DNAH10: variants seen among roughly 807,000 people sequenced by gnomAD.
DNAH10 encodes dynein axonemal heavy chain 10.
A neutral mutation model predicts 506.6 loss-of-function variants in DNAH10; 348 were observed. The ratio of observed to expected loss-of-function variants is 0.69; its 90% CI spans 0.63 to 0.75. The LOEUF (loss-of-function observed/expected upper bound fraction) is 0.75, where lower values mean the gene tolerates loss of function less well. Among genes scored for constraint, DNAH10 ranks in the 30% least tolerant of loss-of-function variants. DNAH10 has a pLI of 0.00. For synonymous variants in DNAH10, 2,059 were observed against 2,198.6 expected (o/e 0.94, Z 1.78); for missense variants, 5,179 against 5,787.1 (o/e 0.89, Z 3.41).
At chr12:123,823,662 T>C (rs866977010) in intron 24 of DNAH10, among the ~76,000 whole-genome samples, 1 of 152,240 alleles carries the variant, frequency 6.6e-6, no homozygotes, top group Non-Finnish European at 1.5e-5. Context: ...ATGGGATACA[T>C]AGATGTTTTG....
Position 123,916,043 on chromosome 12 carries a change from C to T in DNAH10, c.10723-414C>T, listed in dbSNP as rs1421853488. On this transcript the variant is annotated intron_variant, in intron 62 of 78. Coordinates refer to ENST00000673944, the MANE Select transcript of DNAH10 (RefSeq NM_001372106.1). The surrounding 1 kb of genome is among the most constrained non-coding windows in gnomAD (Gnocchi z 4.6). ...CATTTGTACTCCAAGGTCAGGGGAA[C>T]AGTCTGCCTCCAAAATGCACATGGA... Among the ~76,000 whole-genome samples, 1 of 152,208 alleles carries T rather than the reference C, an allele frequency of 6.6e-6. No homozygotes were observed. Among genetic ancestry groups the T allele is most frequent in the Non-Finnish European group, 1.5e-5 (1 of 68,038 alleles).
At chr12:123,786,624 A>G (rs1407354096) in intron 9 of DNAH10, among the ~76,000 whole-genome samples, 2 of 15,368 alleles carry the variant, frequency 1.3e-4, no homozygotes, top group Non-Finnish European at 2.7e-4. Context: ...TTTTATGGCT[A>G]AATCATATTC....
Position 123,916,313 on chromosome 12 carries a change from C to A in DNAH10, c.10723-144C>A, listed in dbSNP as rs1041524185. 1.5e-5 allele frequency: 15 copies of A among 1,010,122 alleles called. No individual in the cohort carries two copies. Among genetic ancestry groups the A allele is most frequent in the Non-Finnish European group, 2.2e-5 (15 of 689,188 alleles). 62.6% of individuals were successfully genotyped at this position (1,010,122 alleles called of 1,614,324 possible). A position where few individuals can be genotyped will look rare whatever the true frequency, so the allele number is the denominator to read the frequency against. On this transcript the variant is annotated intron_variant, in intron 62 of 78. Transcript: ENST00000673944. The surrounding 1 kb of genome is among the most constrained non-coding windows in gnomAD (Gnocchi z 4.6). The stretch of plus-strand genomic sequence containing the variant: ...ACCTCATGGTGTATATGCGTTATAC[C>A]CCTTGCTTCTCTCTTCTTTTCACCT...
chr12:123,870,327 GT>G (rs1290745111), intron 43 of DNAH10, 38 bp from the exon 44 acceptor site: 1 of 1,598,872 alleles, frequency 6.3e-7, no homozygotes, highest in African/African-American at 1.3e-5. Flanking sequence ...GTATTTCCGT[GT>G]TTATGATTCA....
rs1956856807 is a variant in DNAH10 at position 123,762,350 on chromosome 12, G to A, written c.14G>A (p.Arg5Gln). 1 of 1,348,632 alleles carries A rather than the reference G, an allele frequency of 7.4e-7. No homozygotes were observed. 83.5% of individuals were successfully genotyped at this position (1,348,632 alleles called of 1,614,324 possible). A position where few individuals can be genotyped will look rare whatever the true frequency, so the allele number is the denominator to read the frequency against. MDDL[R>Q]VLWMRDRVYA... Reference sequence around the variant, plus strand: ...CTGCGCGGCGCCATGGACGACCTGCGGGTGCTGTGGATGCGCGACCGCGTG... The same window carrying A: ...CTGCGCGGCGCCATGGACGACCTGCAGGTGCTGTGGATGCGCGACCGCGTG... Residue 5 changes from arginine to glutamine, a missense_variant, in exon 1 of 79, where the codon CGG becomes CAG. Transcript: ENST00000673944. The surrounding 1 kb of genome is among the most constrained non-coding windows in gnomAD (Gnocchi z 5.0).
intron 24 of DNAH10, 80 bp from the exon 25 acceptor site, chr12:123,826,607 C>G: frequency 7.7e-7 from 1 of 1,300,076 alleles, no homozygotes; most frequent in Non-Finnish European, 1.1e-6. Context: ...CTGAACGTGA[C>G]TAAGAGTCAA....
intron 3 of DNAH10, 53 bp from the exon 4 acceptor site, chr12:123,772,781 T>C (rs1330228781): frequency 1.3e-5 from 18 of 1,341,092 alleles, no homozygotes; most frequent in Non-Finnish European, 1.6e-5. Context: ...TTAGGTTCTT[T>C]AGGTGAATGG....
Position 123,914,888 on chromosome 12 carries a change from C to T in DNAH10, c.10611C>T (p.Ser3537=), listed in dbSNP as rs375713954. The T allele has an allele frequency of 6.0e-5, 97 of 1,613,624 alleles. No homozygotes were observed. The highest frequency in any genetic ancestry group is 5.9e-4 in the African/African-American group (44 of 75,040). ...AGGGCCTTCCCCCCGATGAGCTCTCCGTTCAGAATGGCATCCTCACCACCC... is the reference window on the plus strand; with the variant it reads ...AGGGCCTTCCCCCCGATGAGCTCTCTGTTCAGAATGGCATCCTCACCACCC... ...GSQGLPPDEL[S]VQNGILTTRA... The change falls in exon 62 of 79, where the codon TCC becomes TCT. Residue 3537 remains serine (S), a synonymous_variant. Coordinates refer to ENST00000673944, the MANE Select transcript of DNAH10 (RefSeq NM_001372106.1).
chr12:123,809,979 C>G (rs1958868134), intron 19 of DNAH10, among the ~76,000 whole-genome samples: 1 of 152,156 alleles, frequency 6.6e-6, no homozygotes, highest in Non-Finnish European at 1.5e-5. Flanking sequence ...CCGTCACCCC[C>G]CTCCCATCTT....
chr12:123,857,654 C>T (rs375585949), intron 37 of DNAH10, among the ~76,000 whole-genome samples: 12 of 152,190 alleles, frequency 7.9e-5, no homozygotes, highest in African/African-American at 1.2e-4. Context: ...CTGGAACGCG[C>T]GAGGTGGAGG....
intron 32 of DNAH10, among the ~76,000 whole-genome samples, chr12:123,847,596 C>T (rs1461659680): frequency 6.6e-6 from 1 of 152,144 alleles, no homozygotes; most frequent in Non-Finnish European, 1.5e-5. Flanking sequence ...GTGTAACCTC[C>T]CTCCATCCTT....
rs1410058736 is a variant in DNAH10, at chr12:123,881,709, C to T, written c.8719C>T (p.His2907Tyr). ...DDALEHLTRVHRIIRMDRGHA... is the reference protein window; with the variant it reads ...DDALEHLTRVYRIIRMDRGHA... ...TGCTCTGGAGCATTTAACCCGGGTGCACCGTATCATCCGCATGGACCGCGG... is the reference window on the plus strand; with the variant it reads ...TGCTCTGGAGCATTTAACCCGGGTGTACCGTATCATCCGCATGGACCGCGG... Residue 2907 changes from histidine to tyrosine, a missense_variant, in exon 51 of 79, where the codon CAC (histidine) becomes TAC (tyrosine). Physicochemically the swap from His to Tyr is moderately conservative, Grantham distance 83. Coordinates refer to ENST00000673944, the MANE Select transcript of DNAH10 (RefSeq NM_001372106.1). 1.3e-6 allele frequency: 2 copies of T among 1,550,098 alleles called. No homozygotes were observed. Among genetic ancestry groups the T allele is most frequent in the Non-Finnish European group, 8.7e-7 (1 of 1,146,484 alleles).
In DNAH10 at chr12:123,762,620, C is replaced by T. The variant is rs1956868937; in HGVS notation, c.214+70C>T. ...CCGTCCCGGCCTCTCCGGCGGGCGC[C>T]GGGGCTGCTAGAGCCTGCCCATCGT... On this transcript the variant is annotated intron_variant, in intron 1 of 78. Transcript: ENST00000673944. The surrounding 1 kb of genome is among the most constrained non-coding windows in gnomAD (Gnocchi z 5.0). The T allele has an allele frequency of 2.7e-6, 4 of 1,462,370 alleles. No individual in the cohort carries two copies. Among genetic ancestry groups the T allele is most frequent in the South Asian group, 1.3e-5 (1 of 77,908 alleles). 90.6% of individuals were successfully genotyped at this position (1,462,370 alleles called of 1,614,324 possible). A position where few individuals can be genotyped will look rare whatever the true frequency, so the allele number is the denominator to read the frequency against.
At chr12:123,883,949 C>T (rs76205285) in intron 51 of DNAH10, among the ~76,000 whole-genome samples, 2,118 of 152,228 alleles carry the variant, frequency 0.014, 26 homozygotes, top group East Asian at 0.054. Context: ...ACCTCAGAAC[C>T]TTTTGATAAG....
At chr12:123,894,601 C>T in intron 53 of DNAH10, 42 bp from the exon 54 acceptor site, 3 of 1,582,670 alleles carry the variant, frequency 1.9e-6, no homozygotes, top group Non-Finnish European at 2.6e-6. Flanking sequence ...CGCCACATTG[C>T]CCAGGCTGGG....
chr12:123,879,323 A>G lies in DNAH10; in HGVS notation c.8432A>G (p.His2811Arg). 1 of 1,576,454 alleles carries G rather than the reference A, an allele frequency of 6.3e-7. No individual in the cohort carries two copies. The highest frequency in any genetic ancestry group is 8.6e-7 in the Non-Finnish European group (1 of 1,160,544). The change falls in exon 49 of 79, where the codon CAC (histidine) becomes CGC (arginine). Residue 2811 changes from histidine (H) to arginine (R), a missense_variant. By Grantham distance (29) the His-to-Arg change is conservative (BLOSUM62 0). Around this residue, in one of 3 missense-constraint regions of DNAH10, gnomAD observed 4,844 missense variants for 5,430.5 expected, o/e 0.89. Coordinates refer to ENST00000673944, the MANE Select transcript of DNAH10 (RefSeq NM_001372106.1). ...AGGAATGAGTGTCTGAGAGTCTTCC[A>G]CGACCGGCTGATCAGTGAAACAGAC... ...VWRNECLRVF[H>R]DRLISETDKQ...
rs189505466 is a variant in DNAH10 at position 123,787,592 on chromosome 12, C to T, written c.1422-212C>T. 7.4e-4 allele frequency among the ~76,000 whole-genome samples: 113 copies of T among 152,338 alleles called. No individual in the cohort carries two copies. The highest frequency in any genetic ancestry group is 2.5e-3 in the African/African-American group (105 of 41,574). ...AGCCCCAGCCCTGCACGCAGGTTGG[C>T]GGCTGCAACGGAAACCTCGCAGCTT... On this transcript the variant is annotated intron_variant, in intron 9 of 78. Transcript: ENST00000673944. This position sits in a 1 kb window ranked among gnomAD's most constrained non-coding sequence, Gnocchi z 4.6.
At chr12:123,772,152 C>T (rs1029287902) in intron 3 of DNAH10, among the ~76,000 whole-genome samples, 3 of 152,198 alleles carry the variant, frequency 2.0e-5, no homozygotes, top group Non-Finnish European at 4.4e-5. Context: ...GGAGCATCCA[C>T]GTGGCTGACC....
chr12:123,925,040 C>CT lies in DNAH10; in HGVS notation c.11767-6dup, dbSNP rs1566112704. On this transcript the variant is annotated splice_polypyrimidine_tract_variant and intron_variant, in intron 67 of 78. Transcript: ENST00000673944. The surrounding 1 kb of genome is among the most constrained non-coding windows in gnomAD (Gnocchi z 4.0). ...GTTGACGCACAATGAATATTCTTTG[C>CT]TTTTCCCAGTGGTATGACCTGGATT... 2 of 1,613,440 alleles carry CT rather than the reference C, an allele frequency of 1.2e-6. No individual in the cohort carries two copies. The highest frequency in any genetic ancestry group is 1.7e-6 in the Non-Finnish European group (2 of 1,179,504).
Sources: gnomAD v4.1 joint callset for allele counts (sites outside exome capture counted in the v4.1 genomes callset) on GRCh38, gnomAD v4.1.1 for gene constraint, gnomAD v4.1.1 regional missense constraint, Gnocchi (gnomAD v3.1) non-coding constraint, MANE v1.5 for transcripts, NCBI Gene and HGNC (gene_info 2026-07-23, HGNC 2026-07-21) for gene names.